The following ANKRD36C variants were observed in gnomAD, a reference collection of about 807,000 sequenced individuals.
The protein encoded by ANKRD36C is ankyrin repeat domain-containing protein 36C.
In ANKRD36C, 61 loss-of-function variants were observed where a neutral mutation model predicts 276.4. That is an observed-to-expected ratio of 0.22 (90% CI 0.18 to 0.27). The LOEUF (loss-of-function observed/expected upper bound fraction) is 0.27. ANKRD36C is among the 10% of genes least tolerant of loss of function. The pLI is 1.00. For missense variants in ANKRD36C, 1,447 were observed against 2,032.3 expected (o/e 0.71, Z 5.54); for synonymous variants, 483 against 680.1 (o/e 0.71, Z 4.51).
intron 48 of ANKRD36C, among the ~76,000 whole-genome samples, chr2:95,889,308 T>C (rs1334338062): frequency 6.6e-6 from 1 of 151,566 alleles, no homozygotes; most frequent in Non-Finnish European, 1.5e-5. Flanking sequence ...ATAAATAACT[T>C]CTTCTTCTCC....
chr2:95,874,132 A>C (rs1280251883), intron 59 of ANKRD36C, among the ~76,000 whole-genome samples: 18 of 152,068 alleles, frequency 1.2e-4, no homozygotes, highest in Admixed American at 2.6e-4. Flanking sequence ...CAATGCCATC[A>C]CCATCAAGCT....
At chr2:95,891,202 C>T (rs1187533534) in intron 46 of ANKRD36C, among the ~76,000 whole-genome samples, 1 of 150,704 alleles carries the variant, frequency 6.6e-6, no homozygotes, top group African/African-American at 2.4e-5. Flanking sequence ...CTTCCTGCCT[C>T]ACAATCCGTC....
intron 24 of ANKRD36C, among the ~76,000 whole-genome samples, chr2:95,933,333 GT>G (rs1677620898): frequency 6.6e-6 from 1 of 152,180 alleles, no homozygotes; most frequent in East Asian, 1.9e-4. Context: ...GTCAATGGTA[GT>G]CTATAGCATT....
intron 59 of ANKRD36C, among the ~76,000 whole-genome samples, chr2:95,874,918 C>T (rs1160766083): frequency 6.6e-6 from 1 of 152,236 alleles, no homozygotes; most frequent in African/African-American, 2.4e-5. Flanking sequence ...AGCCAAAAAA[C>T]ACATGAAACA....
At chr2:95,915,736 T>A (rs1367484176) in intron 38 of ANKRD36C, among the ~76,000 whole-genome samples, 1 of 151,548 alleles carries the variant, frequency 6.6e-6, no homozygotes, top group African/African-American at 2.4e-5. Flanking sequence ...GAGCCCCTTA[T>A]GTCTTCAACT....
rs565170715 is a variant in ANKRD36C, at chr2:95,947,752, A to G, written c.1362+778T>C. Among the ~76,000 whole-genome samples, 8 of 152,286 alleles carry G rather than the reference A, an allele frequency of 5.3e-5. No homozygotes were observed. The East Asian group carries it at 1.5e-3, about 29-fold the overall frequency. On this transcript the variant is annotated intron_variant, in intron 17 of 66. Coordinates refer to ENST00000456556, the Ensembl canonical transcript of ANKRD36C. The stretch of plus-strand genomic sequence containing the variant: ...GTTTAAAGTATACTCAATAAAAAAG[A>G]CTTGGAAAACACAGTGTAAGCCCTC...
At chr2:95,881,595 A>C (rs1418354079) in intron 56 of ANKRD36C, among the ~76,000 whole-genome samples, 2 of 152,102 alleles carry the variant, frequency 1.3e-5, no homozygotes, top group Admixed American at 6.6e-5. Context: ...AATAACTAAT[A>C]AAAAATATAT....
intron 38 of ANKRD36C, among the ~76,000 whole-genome samples, chr2:95,915,652 T>A (rs1677070575): frequency 6.6e-6 from 1 of 151,544 alleles, no homozygotes; most frequent in Non-Finnish European, 1.5e-5. Flanking sequence ...GTAAAATCTG[T>A]ACTTCCTCCC....
At chr2:95,975,778 G>A (rs1392697258) in intron 6 of ANKRD36C, among the ~76,000 whole-genome samples, 4 of 152,102 alleles carry the variant, frequency 2.6e-5, no homozygotes, top group Non-Finnish European at 2.9e-5. Context: ...ATGACACATG[G>A]GATCTAATTA....
chr2:95,853,930 A>C, intron 63 of ANKRD36C, 69 bp from the exon 84 acceptor site: 1 of 1,526,134 alleles, frequency 6.6e-7, no homozygotes, highest in South Asian at 1.2e-5. Context: ...ATAATATTTA[A>C]CTCTAAAGCA....
chr2:95,980,855 C>T, intron 4 of ANKRD36C, 70 bp from the exon 5 acceptor site: 1 of 1,513,070 alleles, frequency 6.6e-7, no homozygotes, highest in Non-Finnish European at 8.9e-7. Flanking sequence ...ACTTTATCAA[C>T]TTAATATGTT....
At chr2:95,858,517 G>T (rs556864185) in intron 61 of ANKRD36C, among the ~76,000 whole-genome samples, 2 of 152,192 alleles carry the variant, frequency 1.3e-5, no homozygotes, top group South Asian at 4.1e-4. Context: ...AAAGTTACAA[G>T]ATAAAAATCA....
At chr2:95,910,097 A>T (rs975936820) in intron 42 of ANKRD36C, among the ~76,000 whole-genome samples, 31 of 151,336 alleles carry the variant, frequency 2.0e-4, no homozygotes, top group Non-Finnish European at 2.4e-4. Context: ...GAATTAAAGC[A>T]AAACTATGCT....
exon 46 of ANKRD36C, chr2:95,891,680 C>T: frequency 6.4e-7 from 1 of 1,565,622 alleles, no homozygotes. Flanking sequence ...CTAGTTTTTT[C>T]TCCATGCTTT....
chr2:95,929,496 T>C (rs1290652256), intron 24 of ANKRD36C, among the ~76,000 whole-genome samples: 1 of 151,536 alleles, frequency 6.6e-6, no homozygotes, highest in Non-Finnish European at 1.5e-5. Flanking sequence ...AAATGTGATA[T>C]GACTTTCTCC....
intron 1 of ANKRD36C, among the ~76,000 whole-genome samples, chr2:95,990,902 C>A (rs546159585): frequency 6.6e-6 from 1 of 152,216 alleles, no homozygotes; most frequent in South Asian, 2.1e-4. Context: ...AAAAATAAAA[C>A]GCTGTACATG....
chr2:95,897,108 C>T (rs577040838), intron 44 of ANKRD36C, among the ~76,000 whole-genome samples, 162 bp downstream of exon 60: 1 of 150,418 alleles, frequency 6.6e-6, no homozygotes, highest in South Asian at 2.1e-4. Flanking sequence ...CGTTCCAGAC[C>T]AGCAGCATCA....
intron 6 of ANKRD36C, among the ~76,000 whole-genome samples, chr2:95,967,047 A>T (rs1678606346): frequency 6.6e-6 from 1 of 152,148 alleles, no homozygotes; most frequent in South Asian, 2.1e-4. Flanking sequence ...GCTGAAGGAG[A>T]TTTGGGGCTG....
rs1676708486 is a variant in ANKRD36C, at chr2:95,903,201, G to A, written c.2654-3865C>T. ...GCCTGTATTAGCGTAGGCTTTGATG[G>A]CTTCTACTTTGTGTCTGGGGACTAG... On this transcript the variant is annotated intron_variant, in intron 42 of 66. Transcript: ENST00000456556. The A allele has an allele frequency of 4.1e-6, 6 of 1,474,050 alleles. 1 individual carries two copies. The highest frequency in any genetic ancestry group is 4.9e-4 in the Middle Eastern group (2 of 4,114). The allele number at this position is 1,474,050 out of a possible 1,614,324, so 91.3% of individuals were successfully genotyped here.
Sources: gnomAD v4.1 joint callset for allele counts (sites outside exome capture counted in the v4.1 genomes callset) on GRCh38, gnomAD v4.1.1 for gene constraint, MANE v1.5 for transcripts, NCBI Gene and HGNC (gene_info 2026-07-23, HGNC 2026-07-21) for gene names.